The following XKR6 variants were observed in gnomAD, a reference collection of about 807,000 sequenced individuals.
XKR6 encodes the protein XK-related protein 6.
XKR6 carries 22 observed loss-of-function variants against 56.7 expected under a neutral mutation model. The observed-to-expected ratio is 0.39, with a 90% confidence interval of 0.28 to 0.55. The LOEUF (loss-of-function observed/expected upper bound fraction) is 0.55. Among genes scored for constraint, XKR6 ranks in the 20% least tolerant of loss-of-function variants. XKR6 has a pLI of 0.66. For synonymous variants in XKR6, 524 were observed against 387.8 expected, an observed-to-expected ratio of 1.35 and a Z score of -4.13; for missense variants, 852 against 889.0, an observed-to-expected ratio of 0.96 and a Z score of 0.53.
At chr8:10,971,849 T>G (rs928578634) in intron 1 of XKR6, among the ~76,000 whole-genome samples, 3 of 152,186 alleles carry the variant, frequency 2.0e-5, no homozygotes, top group Admixed American at 6.5e-5. Flanking sequence ...AATGAGGAAC[T>G]CACCCATTCA....
In XKR6 at chr8:10,898,679, C is replaced by A; in HGVS notation, c.1199G>T (p.Trp400Leu). The A allele has an allele frequency of 6.2e-7, 1 of 1,614,092 alleles. No homozygotes were observed. Among genetic ancestry groups the A allele is most frequent in the Non-Finnish European group, 8.5e-7 (1 of 1,180,032 alleles). Residue 400 changes from tryptophan to leucine, a missense_variant, in exon 3 of 3, where the codon TGG becomes TTG. Physicochemically the swap from Trp to Leu is moderately conservative, Grantham distance 61. Transcript: ENST00000416569. The surrounding 1 kb of genome is among the most constrained non-coding windows in gnomAD (Gnocchi z 6.6). ...GAAGTCTGTTCCGCCATGGATGATC[C>A]AGAAGGCCATGGCGCACCAGTGAAC... ...VVVHWCAMAFWIIHGGTDFCM... is the reference protein window; with the variant it reads ...VVVHWCAMAFLIIHGGTDFCM...
intron 1 of XKR6, among the ~76,000 whole-genome samples, chr8:11,118,770 C>T (rs189686750): frequency 2.6e-5 from 4 of 152,264 alleles, no homozygotes; most frequent in Admixed American, 2.0e-4. Context: ...CTCCTGGATT[C>T]ACTGATTTTT....
intron 1 of XKR6, among the ~76,000 whole-genome samples, chr8:11,189,451 G>C (rs567488694): frequency 1.3e-5 from 2 of 152,236 alleles, no homozygotes; most frequent in South Asian, 4.1e-4. Context: ...CAACTCTTTG[G>C]TTAATACAGA....
intron 1 of XKR6, among the ~76,000 whole-genome samples, chr8:11,111,294 C>T (rs1019162003): frequency 2.0e-5 from 3 of 152,078 alleles, no homozygotes; most frequent in Non-Finnish European, 2.9e-5. Flanking sequence ...AAGGAGGTGG[C>T]GGCTGGAGGG....
At chr8:11,042,657 T>A (rs908676756) in intron 1 of XKR6, among the ~76,000 whole-genome samples, 1 of 152,220 alleles carries the variant, frequency 6.6e-6, no homozygotes, top group Non-Finnish European at 1.5e-5. Context: ...ACATCCCAAA[T>A]CCAAAAATCC....
At chr8:11,145,529 G>A (rs1050927209) in intron 1 of XKR6, among the ~76,000 whole-genome samples, 1 of 152,086 alleles carries the variant, frequency 6.6e-6, no homozygotes, top group African/African-American at 2.4e-5. Flanking sequence ...CAAGATTGCA[G>A]GATATGCAAA....
intron 1 of XKR6, among the ~76,000 whole-genome samples, chr8:10,929,426 C>G (rs1447272251): frequency 6.6e-6 from 1 of 152,254 alleles, no homozygotes; most frequent in Non-Finnish European, 1.5e-5. Flanking sequence ...AGTAGCTGAG[C>G]AGGGCTTCAA....
chr8:11,197,183 A>G (rs1165716805), intron 1 of XKR6, among the ~76,000 whole-genome samples: 1 of 152,256 alleles, frequency 6.6e-6, no homozygotes, highest in African/African-American at 2.4e-5. Flanking sequence ...AGTGGTATAA[A>G]CAAGTTAAGT....
intron 1 of XKR6, among the ~76,000 whole-genome samples, chr8:11,042,046 G>C (rs1350448674): frequency 6.6e-6 from 1 of 152,122 alleles, no homozygotes; most frequent in Non-Finnish European, 1.5e-5. Context: ...TTTTGCAGTG[G>C]TCCTTTATGA....
chr8:10,906,375 T>G (rs1394255253), intron 2 of XKR6, among the ~76,000 whole-genome samples: 1 of 152,232 alleles, frequency 6.6e-6, no homozygotes, highest in African/African-American at 2.4e-5. Flanking sequence ...ATTCAGTGCC[T>G]ACTCTACATT....
intron 1 of XKR6, among the ~76,000 whole-genome samples, chr8:10,943,154 G>A (rs1801435205): frequency 6.6e-6 from 1 of 152,202 alleles, no homozygotes; most frequent in Non-Finnish European, 1.5e-5. Flanking sequence ...TCAGGAGCAG[G>A]CTGCAGGACA....
At chr8:11,124,950 G>C (rs1266312441) in intron 1 of XKR6, 1 of 151,244 alleles carries the variant, frequency 6.6e-6, no homozygotes, top group Non-Finnish European at 1.5e-5. Flanking sequence ...TTAGCCGGGC[G>C]TGGTGGCAGA....
intron 1 of XKR6, among the ~76,000 whole-genome samples, chr8:10,942,868 C>T (rs1801427498): frequency 6.6e-6 from 1 of 152,236 alleles, no homozygotes; most frequent in African/African-American, 2.4e-5. Flanking sequence ...TGCAAGATCG[C>T]ATTCTTGCCT....
At chr8:11,007,579 T>C (rs1170826236) in intron 1 of XKR6, among the ~76,000 whole-genome samples, 1 of 152,124 alleles carries the variant, frequency 6.6e-6, no homozygotes, top group Non-Finnish European at 1.5e-5. Flanking sequence ...GCAGCACAGA[T>C]TATGCCTGAC....
intron 1 of XKR6, among the ~76,000 whole-genome samples, chr8:11,142,576 G>C (rs999425646): frequency 1.3e-5 from 2 of 152,132 alleles, no homozygotes; most frequent in East Asian, 3.9e-4. Context: ...CACGAGATCT[G>C]ATTGCTTACA....
At chr8:11,166,448 T>A (rs1433625752) in intron 1 of XKR6, among the ~76,000 whole-genome samples, 1 of 152,322 alleles carries the variant, frequency 6.6e-6, no homozygotes, top group East Asian at 1.9e-4. Context: ...CCGTTGCTTA[T>A]AGACAACCTA....
intron 1 of XKR6, among the ~76,000 whole-genome samples, chr8:10,960,091 A>C (rs4840527): frequency 0.18 from 27,013 of 152,060 alleles, 4,384 homozygotes; most frequent in African/African-American, 0.44. Flanking sequence ...CAGTCTTCAA[A>C]CTGCCCCATT....
intron 1 of XKR6, among the ~76,000 whole-genome samples, chr8:11,193,738 A>AC (rs5889361): frequency 0.012 from 1,276 of 107,482 alleles, 19 homozygotes; most frequent in South Asian, 0.041. Flanking sequence ...TAAGGTTCTG[A>AC]CCCCCCCCCC....
At chr8:11,149,557 A>G (rs985473422) in intron 1 of XKR6, among the ~76,000 whole-genome samples, 3 of 152,182 alleles carry the variant, frequency 2.0e-5, no homozygotes, top group Non-Finnish European at 4.4e-5. Context: ...GTAATATGAA[A>G]AAAATATTAA....
Sources: gnomAD v4.1 joint callset for allele counts (sites outside exome capture counted in the v4.1 genomes callset) on GRCh38, gnomAD v4.1.1 for gene constraint, Gnocchi (gnomAD v3.1) non-coding constraint, MANE v1.5 for transcripts, NCBI Gene and HGNC (gene_info 2026-07-23, HGNC 2026-07-21) for gene names.